CREM: variants seen among roughly 807,000 people sequenced by gnomAD.
CREM encodes the protein cAMP-responsive element modulator.
CREM carries 13 observed loss-of-function variants against 37.3 expected under a neutral mutation model. The ratio of observed to expected loss-of-function variants is 0.35; its 90% CI spans 0.23 to 0.55. The LOEUF (loss-of-function observed/expected upper bound fraction) is 0.55. Among genes scored for constraint, CREM ranks in the 20% least tolerant of loss-of-function variants. The pLI is 0.88. For synonymous variants in CREM, 124 were observed against 120.2 expected (o/e 1.03, Z -0.21); for missense variants, 296 against 362.3 (o/e 0.82, Z 1.49).
rs142918493 is a variant in CREM, at chr10:35,206,977, C to T, written c.681C>T (p.Pro227=). 2.5e-5 allele frequency: 40 copies of T among 1,614,052 alleles called. No homozygotes were observed. The highest frequency in any genetic ancestry group is 1.7e-4 in the Admixed American group (10 of 60,024). The part of the protein sequence containing the change: ...LPQGVVMAAS[P]GSLHSPQQLA... ...AGGGAGTGGTGATGGCTGCATCGCC[C>T]GGAAGTTTGCACAGTCCCCAGCAGC... Residue 227 remains proline (P), a synonymous_variant, in exon 7 of 8, where the codon CCC becomes CCT. Transcript: ENST00000685392.
chr10:35,157,101 A>C (rs1443241848), intron 3 of CREM, among the ~76,000 whole-genome samples: 1 of 152,240 alleles, frequency 6.6e-6, no homozygotes, highest in African/African-American at 2.4e-5. Flanking sequence ...TATGCAAATC[A>C]GTAAACCTGA....
intron 3 of CREM, among the ~76,000 whole-genome samples, chr10:35,154,877 T>C (rs1041362804): frequency 6.6e-6 from 1 of 152,178 alleles, no homozygotes; most frequent in Non-Finnish European, 1.5e-5. Flanking sequence ...GTAACCAACT[T>C]TTTTCAACTT....
chr10:35,140,318 T>C (rs1274244522), intron 2 of CREM, among the ~76,000 whole-genome samples: 1 of 152,092 alleles, frequency 6.6e-6, no homozygotes, highest in African/African-American at 2.4e-5. Context: ...CCAAAACACA[T>C]CATCATCGTA....
chr10:35,194,123 A>AAAAAAAAAAAAAAAAC (rs2095046624), intron 6 of CREM, among the ~76,000 whole-genome samples: 1 of 150,296 alleles, frequency 6.7e-6, no homozygotes. Context: ...AAAAAAAAAA[A>AAAAAAAAAAAAAAAAC]AGACAAAAGG....
At chr10:35,165,721 T>C (rs2093517812) in intron 3 of CREM, among the ~76,000 whole-genome samples, 1 of 151,402 alleles carries the variant, frequency 6.6e-6, no homozygotes, top group Non-Finnish European at 1.5e-5. Context: ...ATATATATTA[T>C]TATAATAAGT....
rs2095106310 is a variant in CREM, at chr10:35,195,303, AGT to A, written c.598+6918_598+6919del. 8 of 1,482,746 alleles carry A rather than the reference AGT, an allele frequency of 5.4e-6. No individual in the cohort carries two copies. In the South Asian group the frequency reaches 9.2e-5, roughly 17 times the overall value. 91.8% of individuals were successfully genotyped at this position (1,482,746 alleles called of 1,614,324 possible). A position where few individuals can be genotyped will look rare whatever the true frequency, so the allele number is the denominator to read the frequency against. ...TCAGGAACATCTGAGTGTTTCAGAA[AGT>A]GTTACTCTCCTAGTCACTTAGGTGT... On this transcript the variant is annotated intron_variant, in intron 6 of 7. Coordinates refer to ENST00000685392, the MANE Select transcript of CREM (RefSeq NM_183011.2).
chr10:35,134,350 G>A (rs1451958153), intron 1 of CREM, among the ~76,000 whole-genome samples: 1 of 152,170 alleles, frequency 6.6e-6, no homozygotes, highest in African/African-American at 2.4e-5. Context: ...CCAAGGAGCT[G>A]GGATTACAGG....
intron 6 of CREM, chr10:35,201,478 A>G (rs776010868): frequency 2.6e-6 from 4 of 1,551,698 alleles, no homozygotes; most frequent in Non-Finnish European, 3.5e-6. Flanking sequence ...GCCCCAAGTC[A>G]CATGGCTGGT....
intron 5 of CREM, among the ~76,000 whole-genome samples, chr10:35,185,310 G>A (rs1057167014): frequency 7.2e-5 from 11 of 151,874 alleles, no homozygotes; most frequent in African/African-American, 2.7e-4. Flanking sequence ...CTCCTTGTTG[G>A]TCAGGCTGGT....
At chr10:35,187,184 TA>T (rs2094670391) in intron 5 of CREM, among the ~76,000 whole-genome samples, 1 of 70,582 alleles carries the variant, frequency 1.4e-5, no homozygotes, top group South Asian at 3.4e-4. Flanking sequence ...TATTAATATA[TA>T]AATATATTAA....
intron 3 of CREM, among the ~76,000 whole-genome samples, chr10:35,159,119 C>G (rs1047743511): frequency 2.0e-5 from 3 of 151,852 alleles, no homozygotes; most frequent in African/African-American, 7.3e-5. Flanking sequence ...TAATCTATTC[C>G]TGCTAATGAT....
intron 1 of CREM, among the ~76,000 whole-genome samples, chr10:35,131,078 G>C (rs1194486401): frequency 6.6e-6 from 1 of 152,168 alleles, no homozygotes; most frequent in African/African-American, 2.4e-5. Context: ...CGTTGGTCAG[G>C]AAGGATGCTT....
At chr10:35,137,469 T>C (rs2090738819) in intron 1 of CREM, among the ~76,000 whole-genome samples, 1 of 152,214 alleles carries the variant, frequency 6.6e-6, no homozygotes, top group African/African-American at 2.4e-5. Context: ...TAGATAGCAC[T>C]GCTTTCTCTT....
chr10:35,141,265 A>T (rs2091388262), intron 2 of CREM, among the ~76,000 whole-genome samples: 1 of 152,224 alleles, frequency 6.6e-6, no homozygotes, highest in Non-Finnish European at 1.5e-5. Flanking sequence ...TATGAGAATT[A>T]GAAGTTTGGA....
intron 6 of CREM, among the ~76,000 whole-genome samples, chr10:35,199,527 A>C (rs1182924682): frequency 6.6e-6 from 1 of 152,240 alleles, no homozygotes; most frequent in East Asian, 1.9e-4. Context: ...CAAAGAAACT[A>C]TCAGATTGTG....
intron 5 of CREM, among the ~76,000 whole-genome samples, chr10:35,180,504 G>C (rs1224802005): frequency 6.6e-6 from 1 of 152,094 alleles, no homozygotes; most frequent in African/African-American, 2.4e-5. Flanking sequence ...TTCTCTGTTG[G>C]TAATTGAGGG....
At chr10:35,182,879 C>G (rs1459649761) in intron 5 of CREM, among the ~76,000 whole-genome samples, 3 of 152,134 alleles carry the variant, frequency 2.0e-5, no homozygotes, top group Admixed American at 2.0e-4. Context: ...ATTTCAGAAG[C>G]ATATACCCGA....
chr10:35,186,379 C>G (rs1740430502), intron 5 of CREM, among the ~76,000 whole-genome samples: 1 of 151,922 alleles, frequency 6.6e-6, no homozygotes, highest in African/African-American at 2.4e-5. Flanking sequence ...ACTGGCAGAT[C>G]TCAGTATTTA....
chr10:35,159,792 G>A (rs2045919), intron 3 of CREM, among the ~76,000 whole-genome samples: 21,600 of 152,080 alleles, frequency 0.14, 1,859 homozygotes, highest in East Asian at 0.24. Flanking sequence ...CTACAGAATG[G>A]GAGAAAATAT....
Sources: gnomAD v4.1 joint callset for allele counts (sites outside exome capture counted in the v4.1 genomes callset) on GRCh38, gnomAD v4.1.1 for gene constraint, MANE v1.5 for transcripts, NCBI Gene and HGNC (gene_info 2026-07-23, HGNC 2026-07-21) for gene names.